MPPED2: variants seen among roughly 807,000 people sequenced by gnomAD.
The protein encoded by MPPED2 is metallophosphoesterase domain containing 2.
Under a neutral mutation model 33.0 loss-of-function variants are expected in MPPED2, and 5 were observed. That is an observed-to-expected ratio of 0.15 (90% CI 0.08 to 0.32). The LOEUF (loss-of-function observed/expected upper bound fraction) is 0.32, where lower values mean the gene tolerates loss of function less well. Among genes scored for constraint, MPPED2 ranks in the 10% least tolerant of loss-of-function variants. The pLI, the probability that MPPED2 is intolerant of heterozygous loss-of-function variation, is 1.00. For missense variants in MPPED2, 275 were observed against 372.1 expected, an observed-to-expected ratio of 0.74 and a Z score of 2.15; for synonymous variants, 136 against 141.9, an observed-to-expected ratio of 0.96 and a Z score of 0.29.
intron 4 of MPPED2, among the ~76,000 whole-genome samples, chr11:30,492,455 A>C (rs1307619306): frequency 6.6e-6 from 1 of 152,136 alleles, no homozygotes; most frequent in Admixed American, 6.6e-5. Context: ...AGTAATCTTA[A>C]ATTATTTTTA....
intron 4 of MPPED2, among the ~76,000 whole-genome samples, chr11:30,463,145 T>C (rs1950574308): frequency 6.6e-6 from 1 of 152,228 alleles, no homozygotes; most frequent in South Asian, 2.1e-4. Flanking sequence ...TTTATCTCAC[T>C]ACGAAGGTTT....
intron 4 of MPPED2, among the ~76,000 whole-genome samples, chr11:30,458,183 T>G (rs1175542474): frequency 6.6e-6 from 1 of 152,136 alleles, no homozygotes; most frequent in Non-Finnish European, 1.5e-5. Flanking sequence ...GTTCTATGCA[T>G]GGAGAAAATG....
At chr11:30,411,672 A>T (rs940952277) in intron 6 of MPPED2, 86 bp from the exon 7 acceptor site, 18 of 1,244,918 alleles carry the variant, frequency 1.4e-5, no homozygotes, top group Admixed American at 2.2e-5. Flanking sequence ...AAAACAAAAA[A>T]TTTTTGTCAG....
At chr11:30,580,623 A>T in intron 1 of MPPED2, 129 bp from the exon 2 acceptor site, 1 of 879,304 alleles carries the variant, frequency 1.1e-6, no homozygotes. Context: ...TGGCTCATGG[A>T]TACAACTGTT....
intron 2 of MPPED2, among the ~76,000 whole-genome samples, chr11:30,562,218 G>C (rs1197115706): frequency 3.9e-5 from 6 of 152,140 alleles, no homozygotes; most frequent in Non-Finnish European, 7.3e-5. Flanking sequence ...AAGCAAAAAT[G>C]CAATTGCTGT....
chr11:30,576,379 G>A (rs73463734), intron 2 of MPPED2, among the ~76,000 whole-genome samples: 7,455 of 152,196 alleles, frequency 0.049, 642 homozygotes, highest in African/African-American at 0.17. Flanking sequence ...AACAGAAGGC[G>A]CAGATAAGGA....
intron 4 of MPPED2, among the ~76,000 whole-genome samples, chr11:30,494,273 T>C (rs1186900598): frequency 1.3e-5 from 2 of 152,106 alleles, no homozygotes; most frequent in East Asian, 1.9e-4. Flanking sequence ...CTAAGGCTGA[T>C]GGAATGTTCA....
At chr11:30,564,630 G>A (rs1365651318) in intron 2 of MPPED2, among the ~76,000 whole-genome samples, 1 of 152,080 alleles carries the variant, frequency 6.6e-6, no homozygotes, top group East Asian at 1.9e-4. Flanking sequence ...ACACTATATT[G>A]CTTCCCTGTC....
exon 7 of MPPED2, chr11:30,388,912 A>T (rs1947735044): frequency 6.4e-7 from 1 of 1,567,342 alleles, no homozygotes; most frequent in African/African-American, 1.4e-5. Context: ...GAAGGCAGAG[A>T]ACATATTTTT....
chr11:30,497,541 G>A (rs1215312207), intron 3 of MPPED2, among the ~76,000 whole-genome samples: 1 of 152,154 alleles, frequency 6.6e-6, no homozygotes, highest in Admixed American at 6.5e-5. Context: ...CACGATGATG[G>A]GACTCACTGT....
intron 4 of MPPED2, among the ~76,000 whole-genome samples, chr11:30,457,787 T>C (rs1950341864): frequency 6.6e-6 from 1 of 152,162 alleles, no homozygotes; most frequent in African/African-American, 2.4e-5. Flanking sequence ...TTGGGTATTC[T>C]AGAATTAGTA....
intron 1 of MPPED2, among the ~76,000 whole-genome samples, 156 bp from the exon 2 acceptor site, chr11:30,580,650 T>A (rs1187216753): frequency 6.6e-6 from 1 of 152,216 alleles, no homozygotes; most frequent in Non-Finnish European, 1.5e-5. Context: ...TCTCTTCCCT[T>A]CATGCACTTC....
At chr11:30,482,074 G>A (rs998619109) in intron 4 of MPPED2, among the ~76,000 whole-genome samples, 1 of 152,104 alleles carries the variant, frequency 6.6e-6, no homozygotes, top group Non-Finnish European at 1.5e-5. Flanking sequence ...ACATTTTACG[G>A]CTACAGAATG....
At chr11:30,498,438 A>T (rs1952394615) in intron 3 of MPPED2, among the ~76,000 whole-genome samples, 1 of 151,728 alleles carries the variant, frequency 6.6e-6, no homozygotes, top group Non-Finnish European at 1.5e-5. Context: ...TACAAAAATT[A>T]GCCGGGTGTG....
chr11:30,387,218 C>T (rs475477), exon 7 of MPPED2: 53,693 of 155,260 alleles, frequency 0.35, 9,627 homozygotes, highest in Non-Finnish European at 0.39. Context: ...AGGCACACAA[C>T]ATCCCCATGG....
At chr11:30,566,627 C>T (rs763763261) in intron 2 of MPPED2, among the ~76,000 whole-genome samples, 26 of 152,304 alleles carry the variant, frequency 1.7e-4, no homozygotes, top group Admixed American at 2.6e-4. Flanking sequence ...GTTAATTCCT[C>T]GAATCCTTGC....
intron 2 of MPPED2, among the ~76,000 whole-genome samples, chr11:30,548,986 T>A (rs1955574485): frequency 6.6e-6 from 1 of 152,204 alleles, no homozygotes; most frequent in Non-Finnish European, 1.5e-5. Flanking sequence ...ATGACTACAG[T>A]TGTGACTACT....
At chr11:30,491,538 C>T (rs1173721228) in intron 4 of MPPED2, among the ~76,000 whole-genome samples, 1 of 152,174 alleles carries the variant, frequency 6.6e-6, no homozygotes, top group Non-Finnish European at 1.5e-5. Context: ...TTATCAAATG[C>T]TTACTCCATG....
At chr11:30,487,575 A>G (rs1175596847) in intron 4 of MPPED2, among the ~76,000 whole-genome samples, 1 of 151,994 alleles carries the variant, frequency 6.6e-6, no homozygotes, top group Admixed American at 6.6e-5. Context: ...TCGACCTCCC[A>G]GACTCAGCAA....
Sources: allele counts gnomAD v4.1 joint callset (sites outside exome capture counted in the v4.1 genomes callset), GRCh38; gene constraint gnomAD v4.1.1; transcripts MANE v1.5; gene names NCBI Gene and HGNC (gene_info 2026-07-23, HGNC 2026-07-21).